MPST: variants seen among roughly 807,000 people sequenced by gnomAD.
MPST encodes mercaptopyruvate sulfurtransferase.
In MPST, 27 loss-of-function variants were observed where a neutral mutation model predicts 28.5. The observed-to-expected ratio is 0.95, with a 90% CI of 0.70 to 1.31. MPST has a LOEUF of 1.31. Among genes scored for constraint, MPST ranks in the 50% most tolerant of loss-of-function variants. The probability of loss-of-function intolerance (pLI) is 0.00; values close to 1 mark genes in which losing one functional copy is unlikely to be tolerated. For synonymous variants in MPST, 204 were observed against 209.3 expected (o/e 0.97, Z 0.22); for missense variants, 492 against 471.1 (o/e 1.04, Z -0.41).
At chr22:37,021,038 AG>A (rs1923031320) in intron 1 of MPST, among the ~76,000 whole-genome samples, 1 of 70,154 alleles carries the variant, frequency 1.4e-5, no homozygotes, top group African/African-American at 5.3e-5. Flanking sequence ...TGGTTGGGGG[AG>A]GGGGTGGGCA....
chr22:37,026,797 C>T (rs1923558600), intron 2 of MPST: 1 of 152,404 alleles, frequency 6.6e-6, no homozygotes, highest in South Asian at 2.1e-4. Flanking sequence ...ATGCCAGGGT[C>T]TGAGAATAGA....
chr22:37,024,536 C>G lies in MPST; in HGVS notation c.381C>G (p.Leu127=). 6.4e-7 allele frequency: 1 copy of G among 1,569,708 alleles called. No individual in the cohort carries two copies. The highest frequency in any genetic ancestry group is 8.6e-7 in the Non-Finnish European group (1 of 1,163,378). The change falls in exon 2 of 3, where the codon CTC becomes CTG. Residue 127 remains leucine, a synonymous_variant. Transcript: ENST00000429360. Reference sequence around the variant, plus strand: ...TCTACGACGCCAGCGACCAGGGCCTCTACTCCGCCCCGCGCGTCTGGTGGA... The same window carrying G: ...TCTACGACGCCAGCGACCAGGGCCTGTACTCCGCCCCGCGCGTCTGGTGGA... ...VVIYDASDQG[L]YSAPRVWWMF...
intron 1 of MPST, 71 bp from the exon 2 acceptor site, chr22:37,024,121 C>T: frequency 7.5e-7 from 1 of 1,339,682 alleles, no homozygotes; most frequent in Non-Finnish European, 9.6e-7. Context: ...CTCGCCCATG[C>T]TCCAGCCCCA....
rs534304976 is a variant in MPST at position 37,029,792 on chromosome 22, GA to G, written c.*281del. 9.2e-4 allele frequency: 475 copies of G among 517,920 alleles called. 3 individuals are homozygous for G. The highest frequency in any genetic ancestry group is 8.4e-3 in the African/African-American group (440 of 52,374). 32.1% of individuals were successfully genotyped at this position (517,920 alleles called of 1,614,324 possible). On this transcript the variant is annotated 3_prime_UTR_variant, in exon 3 of 3. Coordinates refer to ENST00000429360, the MANE Select transcript of MPST (RefSeq NM_021126.8). Reference sequence around the variant, plus strand: ...GCCTCCTTTCTGTTTTATTTTTGAGGAAATAAAATAACCAAGTGCTAAATCT... The same window carrying G: ...GCCTCCTTTCTGTTTTATTTTTGAGGAATAAAATAACCAAGTGCTAAATCT...
Position 37,029,760 on chromosome 22 carries a change from G to C in MPST, c.*246G>C. 2 of 563,626 alleles carry C rather than the reference G, an allele frequency of 3.5e-6. No homozygotes were observed. The highest frequency in any genetic ancestry group is 2.4e-5 in the South Asian group (1 of 42,284). The allele number at this position is 563,626 out of a possible 1,614,324, so 34.9% of individuals were successfully genotyped here. Reference sequence around the variant, plus strand: ...GAGCTGCCCACCTGGTGCTGAGCTGGGGCCCCGCCTCCTTTCTGTTTTATT... The same window carrying C: ...GAGCTGCCCACCTGGTGCTGAGCTGCGGCCCCGCCTCCTTTCTGTTTTATT... On this transcript the variant is annotated 3_prime_UTR_variant, in exon 3 of 3. Transcript: ENST00000429360.
At chr22:37,023,882 C>G (rs1300553651) in intron 1 of MPST, 1 of 1,483,084 alleles carries the variant, frequency 6.7e-7, no homozygotes. Flanking sequence ...CCAGCAGGGC[C>G]TTGCCCTAGG....
chr22:37,026,075 A>G (rs1292326553), intron 2 of MPST: 1 of 152,172 alleles, frequency 6.6e-6, no homozygotes, highest in Non-Finnish European at 1.5e-5. Context: ...TTGAACCTAC[A>G]CAGGTGTCAG....
In MPST at chr22:37,024,682, C is replaced by T. The variant is rs1923373504; in HGVS notation, c.527C>T (p.Ala176Val). Residue 176 changes from alanine (A) to valine (V), a missense_variant, in exon 2 of 3, where the codon GCT (alanine) becomes GTT (valine). By Grantham distance (64) the Ala-to-Val change is moderately conservative. Coordinates refer to ENST00000429360, the MANE Select transcript of MPST (RefSeq NM_021126.8). ...CAACCTGCTCCCGCCGAGTTCCGCG[C>T]TCAGCTCGACCCCGCCTTCATCAAG... ...KSQPAPAEFR[A>V]QLDPAFIKTY... The T allele has an allele frequency of 6.3e-7, 1 of 1,599,362 alleles. No individual in the cohort carries two copies. Among genetic ancestry groups the T allele is most frequent in the Non-Finnish European group, 8.5e-7 (1 of 1,179,758 alleles).
intron 2 of MPST, chr22:37,026,019 G>C (rs1405573424): frequency 6.6e-6 from 1 of 152,238 alleles, no homozygotes; most frequent in East Asian, 1.9e-4. Context: ...GCAAAGCAAT[G>C]TTGGTGTTAC....
chr22:37,020,095 G>T (rs1370466546), intron 1 of MPST: 1 of 391,178 alleles, frequency 2.6e-6, no homozygotes. Flanking sequence ...GGTGGAAGTG[G>T]GTGACCTGGT....
At position 37,028,753 on chromosome 22, in the gene MPST, AT is replaced by A. The variant is rs11376623; in HGVS notation, c.656-453del. On this transcript the variant is annotated intron_variant, in intron 2 of 2. Transcript: ENST00000429360. Reference sequence around the variant, plus strand: ...ATCAGCTATTGCTGTTACTGGCGTTATTTTTTTTTTACATGCCCCAGGCCAC... The same window carrying A: ...ATCAGCTATTGCTGTTACTGGCGTTATTTTTTTTTACATGCCCCAGGCCAC... The A allele has an allele frequency of 9.0e-3, 1,382 of 153,058 alleles. 29 individuals are homozygous for A. Among genetic ancestry groups the A allele is most frequent in the South Asian group, 0.068 (339 of 5,020 alleles). 9.5% of individuals were successfully genotyped at this position (153,058 alleles called of 1,614,324 possible).
chr22:37,022,702 G>A (rs989400987), intron 1 of MPST, among the ~76,000 whole-genome samples: 3 of 152,214 alleles, frequency 2.0e-5, no homozygotes, highest in East Asian at 1.9e-4. Context: ...CCAAGGCTGC[G>A]GTGCCTAGCA....
intron 1 of MPST, among the ~76,000 whole-genome samples, chr22:37,022,509 CAG>C (rs1923147945): frequency 6.6e-6 from 1 of 152,192 alleles, no homozygotes. Flanking sequence ...GGGGTGGGCA[CAG>C]GGTGTCACCC....
chr22:37,020,759 A>T (rs5756487), intron 1 of MPST, among the ~76,000 whole-genome samples: 88,455 of 151,846 alleles, frequency 0.58, 26,865 homozygotes, highest in African/African-American at 0.75. Context: ...CCCAGGCTCA[A>T]GCGATCCTCC....
chr22:37,019,927 T>A, intron 1 of MPST, 55 bp downstream of exon 1: 1 of 783,212 alleles, frequency 1.3e-6, no homozygotes, highest in Non-Finnish European at 1.6e-6. Flanking sequence ...AGTGGCTCTT[T>A]GGGGGTGCTC....
At chr22:37,025,294 T>A in intron 2 of MPST, 1 of 581,130 alleles carries the variant, frequency 1.7e-6, no homozygotes, top group Non-Finnish European at 2.6e-6. Context: ...GTGTGGGGGG[T>A]CACTGTGGAA....
rs771122314 is a variant in MPST, at chr22:37,024,678, C to G, written c.523C>G (p.Arg175Gly). 9 of 1,599,320 alleles carry G rather than the reference C, an allele frequency of 5.6e-6. No individual in the cohort carries two copies. Among genetic ancestry groups the G allele is most frequent in the Middle Eastern group, 1.7e-4 (1 of 6,060 alleles). ...GKSQPAPAEF[R>G]AQLDPAFIKT... The stretch of plus-strand genomic sequence containing the variant: ...GAGCCAACCTGCTCCCGCCGAGTTC[C>G]GCGCTCAGCTCGACCCCGCCTTCAT... Residue 175 changes from arginine (R) to glycine (G), a missense_variant, in exon 2 of 3, where the codon CGC becomes GGC. Transcript: ENST00000429360.
Position 37,024,286 on chromosome 22 carries a change from G to T in MPST, c.131G>T (p.Arg44Leu). Reference sequence around the variant, plus strand: ...GTGGCGGAGGCGCTGCGGGCCCCGCGCGCTGGGCAGCCTCTGCAGCTGCTG... The same window carrying T: ...GTGGCGGAGGCGCTGCGGGCCCCGCTCGCTGGGCAGCCTCTGCAGCTGCTG... ...QWVAEALRAP[R>L]AGQPLQLLDA... Residue 44 changes from arginine (R) to leucine (L), a missense_variant, in exon 2 of 3, where the codon CGC becomes CTC. Coordinates refer to ENST00000429360, the MANE Select transcript of MPST (RefSeq NM_021126.8). 1 of 1,513,610 alleles carries T rather than the reference G, an allele frequency of 6.6e-7. No homozygotes were observed. 93.8% of individuals were successfully genotyped at this position (1,513,610 alleles called of 1,614,324 possible). A position where few individuals can be genotyped will look rare whatever the true frequency, so the allele number is the denominator to read the frequency against.
rs920524346 is a variant in MPST at position 37,029,323 on chromosome 22, G to A, written c.763G>A (p.Glu255Lys). 3.3e-5 allele frequency: 54 copies of A among 1,614,088 alleles called. No individual in the cohort carries two copies. Among genetic ancestry groups the A allele is most frequent in the Admixed American group, 1.0e-4 (6 of 60,004 alleles). Residue 255 changes from glutamate to lysine, a missense_variant, in exon 3 of 3, where the codon GAG becomes AAG. Transcript: ENST00000429360. Reference sequence around the variant, plus strand: ...TGAGGAGATCCGCCATCTGTTCCAGGAGAAGAAAGTGGACCTGTCTAAGCC... The same window carrying A: ...TGAGGAGATCCGCCATCTGTTCCAGAAGAAGAAAGTGGACCTGTCTAAGCC... The part of the protein sequence containing the change: ...SPEEIRHLFQ[E>K]KKVDLSKPLV...
Sources: allele counts gnomAD v4.1 joint callset (sites outside exome capture counted in the v4.1 genomes callset), GRCh38; gene constraint gnomAD v4.1.1; transcripts MANE v1.5; gene names NCBI Gene and HGNC (gene_info 2026-07-23, HGNC 2026-07-21).